Variants in SFSWAP observed in about 807,000 individuals in gnomAD.
The protein encoded by SFSWAP is splicing factor, suppressor of white-apricot homolog.
SFSWAP carries 17 observed loss-of-function variants against 100.7 expected under a neutral mutation model. The ratio of observed to expected loss-of-function variants is 0.17; its 90% CI spans 0.12 to 0.25. The LOEUF is 0.25. Ranked by LOEUF, SFSWAP falls within the 10% of genes least tolerant of loss-of-function variation. The pLI is 1.00. For missense variants in SFSWAP, 1,005 were observed against 1,262.6 expected (o/e 0.80, Z 3.09); for synonymous variants, 504 against 510.1 (o/e 0.99, Z 0.16).
intron 4 of SFSWAP, among the ~76,000 whole-genome samples, chr12:131,724,566 T>C (rs893256832): frequency 3.9e-5 from 6 of 152,274 alleles, no homozygotes; most frequent in East Asian, 1.9e-4. Flanking sequence ...AATTGCCAGA[T>C]TTATTTGCAA....
chr12:131,764,765 C>G (rs958098133), intron 12 of SFSWAP, 79 bp downstream of exon 12: 1 of 1,006,874 alleles, frequency 9.9e-7, no homozygotes, highest in Non-Finnish European at 1.5e-6. Context: ...CAAAAAATCT[C>G]GAGGCTGCCA....
intron 15 of SFSWAP, among the ~76,000 whole-genome samples, chr12:131,789,584 C>T (rs2136274908): frequency 6.6e-6 from 1 of 152,290 alleles, no homozygotes. Context: ...ATCTGTAGCT[C>T]AGTTCCACAA....
chr12:131,731,114 A>G (rs1879463180), intron 7 of SFSWAP, among the ~76,000 whole-genome samples: 1 of 152,222 alleles, frequency 6.6e-6, no homozygotes, highest in South Asian at 2.1e-4. Context: ...CCAGTTTCCA[A>G]GAAGAGCCAA....
intron 13 of SFSWAP, among the ~76,000 whole-genome samples, chr12:131,777,767 C>T (rs1295573645): frequency 1.3e-5 from 2 of 152,130 alleles, no homozygotes; most frequent in African/African-American, 2.4e-5. Flanking sequence ...TTTTTCCCAG[C>T]GTAGCATCTC....
chr12:131,751,526 C>T (rs1460186659), intron 7 of SFSWAP, among the ~76,000 whole-genome samples: 1 of 152,264 alleles, frequency 6.6e-6, no homozygotes, highest in African/African-American at 2.4e-5. Flanking sequence ...GTGCTGGCTT[C>T]GCCCTGGCTG....
intron 6 of SFSWAP, among the ~76,000 whole-genome samples, chr12:131,727,875 A>G (rs975344354): frequency 1.3e-5 from 2 of 152,326 alleles, no homozygotes; most frequent in East Asian, 1.9e-4. Context: ...AGATTTAAGC[A>G]TCTGGTTTTC....
chr12:131,736,524 C>T (rs1247800623), intron 7 of SFSWAP, among the ~76,000 whole-genome samples: 1 of 152,076 alleles, frequency 6.6e-6, no homozygotes, highest in Admixed American at 6.5e-5. Flanking sequence ...CAAAAATGCC[C>T]ATACGGTTTT....
chr12:131,777,807 G>A (rs1884147103), intron 13 of SFSWAP, among the ~76,000 whole-genome samples: 1 of 152,086 alleles, frequency 6.6e-6, no homozygotes, highest in Non-Finnish European at 1.5e-5. Context: ...TCCTCTTGTT[G>A]GCTCCGGCTG....
Position 131,754,467 on chromosome 12 carries a change from C to T in SFSWAP, c.1422C>T (p.Phe474=), listed in dbSNP as rs149203399. 3.9e-5 allele frequency: 62 copies of T among 1,601,520 alleles called. No homozygotes were observed. Among genetic ancestry groups the T allele is most frequent in the African/African-American group, 3.4e-4 (25 of 74,276 alleles). Reference sequence around the variant, plus strand: ...ATGTCGCCAGGAACGGCCTGAAGTTCGAGACCAGTGTTCGTGCCAAGAATG... The same window carrying T: ...ATGTCGCCAGGAACGGCCTGAAGTTTGAGACCAGTGTTCGTGCCAAGAATG... ...AEYVARNGLK[F]ETSVRAKNDQ... is the part of the protein sequence containing the mutation. Residue 474 remains phenylalanine (F), a synonymous_variant, in exon 9 of 18, where the codon TTC becomes TTT. Coordinates refer to ENST00000261674, the MANE Select transcript of SFSWAP (RefSeq NM_004592.4).
chr12:131,760,045 T>TA (rs1473471032), intron 11 of SFSWAP, among the ~76,000 whole-genome samples: 1 of 152,154 alleles, frequency 6.6e-6, no homozygotes, highest in Non-Finnish European at 1.5e-5. Flanking sequence ...AATAATAAGA[T>TA]ATCACATATT....
At chr12:131,780,339 A>G (rs1884398846) in intron 14 of SFSWAP, among the ~76,000 whole-genome samples, 2 of 152,358 alleles carry the variant, frequency 1.3e-5, no homozygotes, top group African/African-American at 4.8e-5. Flanking sequence ...TGTATTGTAT[A>G]TCGAAGCTTT....
rs1884243908 is a variant in SFSWAP at position 131,778,974 on chromosome 12, A to C, written c.2408+644A>C. 6.6e-6 allele frequency among the ~76,000 whole-genome samples: 1 copy of C among 151,766 alleles called. No individual in the cohort carries two copies. Among genetic ancestry groups the C allele is most frequent in the Non-Finnish European group, 1.5e-5 (1 of 67,892 alleles). On this transcript the variant is annotated intron_variant, in intron 14 of 17. Transcript: ENST00000261674. This position sits in a 1 kb window ranked among gnomAD's most constrained non-coding sequence, Gnocchi z 4.2. ...GGGGGTCTTTTGTTTTATTTGTATA[A>C]GTGAAGTTTCCCATGCTAATTTGTC... is the stretch of plus-strand genomic sequence containing the variant.
intron 14 of SFSWAP, among the ~76,000 whole-genome samples, chr12:131,779,400 G>A (rs924565361): frequency 6.6e-6 from 1 of 152,046 alleles, no homozygotes; most frequent in Non-Finnish European, 1.5e-5. Flanking sequence ...TTTTCAGAAA[G>A]CAGGTTAACA....
At chr12:131,727,840 G>A (rs1379385095) in intron 6 of SFSWAP, among the ~76,000 whole-genome samples, 3 of 152,080 alleles carry the variant, frequency 2.0e-5, no homozygotes, top group Non-Finnish European at 4.4e-5. Context: ...TCTGCCATTC[G>A]CGACATAAAA....
chr12:131,727,584 G>A (rs557802142), intron 6 of SFSWAP, among the ~76,000 whole-genome samples: 1 of 152,312 alleles, frequency 6.6e-6, no homozygotes, highest in South Asian at 2.1e-4. Context: ...AGTGGAGGTT[G>A]CAGTGAGCCA....
intron 15 of SFSWAP, among the ~76,000 whole-genome samples, chr12:131,789,519 G>A (rs2136274834): frequency 6.6e-6 from 1 of 152,184 alleles, no homozygotes; most frequent in Non-Finnish European, 1.5e-5. Context: ...CTGGGTAACA[G>A]AGTGAAACCC....
Position 131,778,166 on chromosome 12 carries a change from A to G in SFSWAP, c.2244A>G (p.Pro748=). The change falls in exon 14 of 18, where the codon CCA becomes CCG. Residue 748 remains proline (P), a synonymous_variant. Transcript: ENST00000261674. This position sits in a 1 kb window ranked among gnomAD's most constrained non-coding sequence, Gnocchi z 4.2. ...PDRPSSKSKD[P]PREEEKEKKK... ...GGCCTTCGAGCAAAAGCAAAGATCCACCGAGAGAAGAAGAGAAAGAAAAGA... is the reference window on the plus strand; with the variant it reads ...GGCCTTCGAGCAAAAGCAAAGATCCGCCGAGAGAAGAAGAGAAAGAAAAGA... 4 of 1,614,164 alleles carry G rather than the reference A, an allele frequency of 2.5e-6. No homozygotes were observed. In the South Asian group the frequency reaches 4.4e-5, roughly 18 times the overall value.
rs1879368713 is a variant in SFSWAP at position 131,730,214 on chromosome 12, G to C, written c.1081+1786G>C. On this transcript the variant is annotated intron_variant, in intron 7 of 17. Coordinates refer to ENST00000261674, the MANE Select transcript of SFSWAP (RefSeq NM_004592.4). The surrounding 1 kb of genome is among the most constrained non-coding windows in gnomAD (Gnocchi z 4.0). ...AGTCTTGAGCCCCACTCGGCAGCCTGTGAAGCTCCCGCCCTGGAGTCATGG... is the reference window on the plus strand; with the variant it reads ...AGTCTTGAGCCCCACTCGGCAGCCTCTGAAGCTCCCGCCCTGGAGTCATGG... Among the ~76,000 whole-genome samples, 1 of 152,222 alleles carries C rather than the reference G, an allele frequency of 6.6e-6. No homozygotes were observed. Among genetic ancestry groups the C allele is most frequent in the Non-Finnish European group, 1.5e-5 (1 of 68,038 alleles).
At chr12:131,773,633 T>G (rs1169209861) in intron 13 of SFSWAP, among the ~76,000 whole-genome samples, 1 of 152,208 alleles carries the variant, frequency 6.6e-6, no homozygotes, top group African/African-American at 2.4e-5. Flanking sequence ...CATGAGCCAC[T>G]GCACCCAGCC....
Sources: gnomAD v4.1 joint callset for allele counts (sites outside exome capture counted in the v4.1 genomes callset) on GRCh38, gnomAD v4.1.1 for gene constraint, Gnocchi (gnomAD v3.1) non-coding constraint, MANE v1.5 for transcripts, NCBI Gene and HGNC (gene_info 2026-07-23, HGNC 2026-07-21) for gene names.